Variants in RNF25 observed in about 807,000 individuals in gnomAD.
RNF25 encodes ring finger protein 25.
Under a neutral mutation model 65.0 loss-of-function variants are expected in RNF25, and 32 were observed. The ratio of observed to expected loss-of-function variants is 0.49; its 90% CI spans 0.37 to 0.66. The LOEUF is 0.66. RNF25 is among the 30% of genes least tolerant of loss of function. The pLI is 0.00. For missense variants in RNF25, 493 were observed against 584.8 expected (o/e 0.84, Z 1.62); for synonymous variants, 207 against 221.2 (o/e 0.94, Z 0.57).
intron 8 of RNF25, 141 bp from the exon 9 acceptor site, chr2:218,665,014 T>A: frequency 3.5e-6 from 5 of 1,440,778 alleles, no homozygotes; most frequent in Non-Finnish European, 4.8e-6. Context: ...CTCCCGCCAG[T>A]GGGGGATGTG....
chr2:218,671,920 C>T lies in RNF25; in HGVS notation c.41+10G>A. 6.2e-7 allele frequency: 1 copy of T among 1,614,220 alleles called. No individual in the cohort carries two copies. The highest frequency in any genetic ancestry group is 1.6e-4 in the Middle Eastern group (1 of 6,062). The stretch of plus-strand genomic sequence containing the variant: ...AGGCTGTCAGCCAAAGCCCATGCCC[C>T]CAAAGTTACCAGTCCTCCTCCCCTG... On this transcript the variant is annotated intron_variant, in intron 1 of 9. Transcript: ENST00000295704.
At chr2:218,671,482 G>C (rs762195137) in intron 1 of RNF25, among the ~76,000 whole-genome samples, 31 of 152,280 alleles carry the variant, frequency 2.0e-4, no homozygotes, top group Middle Eastern at 3.4e-3. Context: ...GTCCTCACTA[G>C]TGCTGTGTGA....
At chr2:218,668,913 G>A (rs1423067158) in intron 1 of RNF25, among the ~76,000 whole-genome samples, 1 of 152,224 alleles carries the variant, frequency 6.6e-6, no homozygotes, top group Non-Finnish European at 1.5e-5. Flanking sequence ...GTGGATTCTA[G>A]AGAAGTAAAA....
At position 218,664,843 on chromosome 2, in the gene RNF25, G is replaced by A. The variant is rs200164624; in HGVS notation, c.697C>T (p.Arg233Cys). 2.0e-5 allele frequency: 33 copies of A among 1,614,110 alleles called. No homozygotes were observed. The East Asian group carries it at 2.2e-4, about 11-fold the overall frequency. ...ELYQPSAESL[R>C]QQEERKRLYQ... Reference sequence around the variant, plus strand: ...AGCCGCTTGCGTTCTTCTTGCTGGCGCAAGCTCTCTGCACTGGGCTGGTAC... The same window carrying A: ...AGCCGCTTGCGTTCTTCTTGCTGGCACAAGCTCTCTGCACTGGGCTGGTAC... The change falls in exon 9 of 10, where the codon CGC becomes TGC. Residue 233 changes from arginine to cysteine, a missense_variant. Arg to Cys is a radical substitution (Grantham distance 180). Around this residue, in one of 3 missense-constraint regions of RNF25, gnomAD observed 351 missense variants for 400.2 expected, o/e 0.88. Transcript: ENST00000295704. This position sits in a 1 kb window ranked among gnomAD's most constrained non-coding sequence, Gnocchi z 5.1.
At chr2:218,665,360 G>A (rs941127126) in intron 7 of RNF25, 113 bp from the exon 8 acceptor site, 32 of 857,396 alleles carry the variant, frequency 3.7e-5, no homozygotes, top group Non-Finnish European at 5.1e-5. Context: ...CAGGGACACC[G>A]GTTCAGCAGT....
Position 218,668,622 on chromosome 2 carries a change from C to G in RNF25, c.99G>C (p.Val33=). 3 of 1,611,454 alleles carry G rather than the reference C, an allele frequency of 1.9e-6. No individual in the cohort carries two copies. Among genetic ancestry groups the G allele is most frequent in the Non-Finnish European group, 2.5e-6 (3 of 1,177,654 alleles). The change falls in exon 2 of 10, where the codon GTG becomes GTC. Residue 33 remains valine, a synonymous_variant. Transcript: ENST00000295704. ...ATACATACCTGCCATTTCCTTTAAT[C>G]ACCTGTAGTTCATCTAGATAGATGG... ...LESIYLDELQ[V]IKGNGRTSPW...
At chr2:218,665,290 T>G (rs376522618) in intron 7 of RNF25, 43 bp from the exon 8 acceptor site, 1 of 1,561,256 alleles carries the variant, frequency 6.4e-7, no homozygotes, top group African/African-American at 1.4e-5. Flanking sequence ...CAGCCCAGGA[T>G]GCCCCCTGGT....
intron 7 of RNF25, 144 bp from the exon 8 acceptor site, chr2:218,665,391 T>G: frequency 1.5e-6 from 1 of 678,024 alleles, no homozygotes; most frequent in Non-Finnish European, 2.5e-6. Context: ...AGAGCACGGG[T>G]TGTCTAACTA....
chr2:218,668,299 A>T lies in RNF25; in HGVS notation c.159T>A (p.Thr53=). The T allele has an allele frequency of 6.4e-7, 1 of 1,568,758 alleles. No homozygotes were observed. Among genetic ancestry groups the T allele is most frequent in the Non-Finnish European group, 8.7e-7 (1 of 1,151,632 alleles). Residue 53 remains threonine (T), a synonymous_variant, in exon 3 of 10, where the codon ACT becomes ACA. Transcript: ENST00000295704. The part of the protein sequence containing the change: ...WEIYITLHPA[T]AEDQDSQYVC... ...CATACTGTGAATCCTGGTCCTCTGC[A>T]GTGGCAGGATGCAAAGTGATGTAGA...
In RNF25 at chr2:218,664,416, A is replaced by G. The variant is rs1448310017; in HGVS notation, c.921T>C (p.Pro307=). The G allele has an allele frequency of 6.2e-7, 1 of 1,614,158 alleles. No homozygotes were observed. The highest frequency in any genetic ancestry group is 8.5e-7 in the Non-Finnish European group (1 of 1,180,034). Residue 307 remains proline, a synonymous_variant, in exon 10 of 10, where the codon CCT becomes CCC. Transcript: ENST00000295704. The surrounding 1 kb of genome is among the most constrained non-coding windows in gnomAD (Gnocchi z 5.1). ...SPAVQSTLPP[P]LPVATQHICE... The stretch of plus-strand genomic sequence containing the variant: ...ATATGTGCTGGGTCGCCACAGGCAG[A>G]GGAGGTGGCAAAGTGGATTGGACGG...
At chr2:218,668,468 TA>T in intron 2 of RNF25, 127 bp from the exon 3 acceptor site, 1 of 979,528 alleles carries the variant, frequency 1.0e-6, no homozygotes, top group South Asian at 1.4e-5. Context: ...GGGGTAGGAT[TA>T]AAGGAATAGC....
chr2:218,665,838 G>A (rs767413546), intron 7 of RNF25, 78 bp downstream of exon 7: 8 of 1,543,590 alleles, frequency 5.2e-6, no homozygotes, highest in South Asian at 1.3e-5. Flanking sequence ...AAGAGCCACT[G>A]GAGTGGAGAG....
intron 7 of RNF25, 127 bp downstream of exon 7, chr2:218,665,789 T>G: frequency 8.0e-7 from 1 of 1,243,282 alleles, no homozygotes; most frequent in Non-Finnish European, 1.1e-6. Flanking sequence ...GAGGTAAGAG[T>G]TCATTAATCT....
Position 218,664,097 on chromosome 2 carries a change from T to G in RNF25, c.1240A>C (p.Thr414Pro). The G allele has an allele frequency of 1.3e-6, 2 of 1,522,374 alleles. No homozygotes were observed. The highest frequency in any genetic ancestry group is 1.8e-6 in the Non-Finnish European group (2 of 1,137,754). 94.3% of individuals were successfully genotyped at this position (1,522,374 alleles called of 1,614,324 possible). The change falls in exon 10 of 10, where the codon ACT becomes CCT. Residue 414 changes from threonine (T) to proline (P), a missense_variant. Transcript: ENST00000295704. The surrounding 1 kb of genome is among the most constrained non-coding windows in gnomAD (Gnocchi z 5.1). ...CGCTCCCAGCGAACACAGTCCCGAG[T>G]CCTGCGGGGTGGGGGCCCCTGCCAG... ...GSWQGPPPRRTRDCVRWERSK... is the reference protein window; with the variant it reads ...GSWQGPPPRRPRDCVRWERSK...
chr2:218,665,915 C>A lies in RNF25; in HGVS notation c.573+1G>T. 2 of 1,612,660 alleles carry A rather than the reference C, an allele frequency of 1.2e-6. No individual in the cohort carries two copies. The highest frequency in any genetic ancestry group is 1.7e-6 in the Non-Finnish European group (2 of 1,179,212). The stretch of plus-strand genomic sequence containing the variant: ...GAGTGTGCAGGTGCAGTGAGGTCTA[C>A]CTGTTTGGTTGTAGCATGCTGCCGT... On this transcript the variant is annotated splice_donor_variant, in intron 7 of 9. Transcript: ENST00000295704. LOFTEE classifies it high-confidence loss of function.
intron 7 of RNF25, 65 bp downstream of exon 7, chr2:218,665,851 G>A (rs2106335987): frequency 1.9e-6 from 3 of 1,556,626 alleles, no homozygotes; most frequent in Non-Finnish European, 2.6e-6. Flanking sequence ...GTGGAGAGAT[G>A]GAAAAGTTTG....
chr2:218,664,322 G>T lies in RNF25; in HGVS notation c.1015C>A (p.Pro339Thr), dbSNP rs750819816. Residue 339 changes from proline to threonine, a missense_variant, in exon 10 of 10, where the codon CCC (proline) becomes ACC (threonine). Pro to Thr is a conservative substitution (Grantham distance 38, BLOSUM62 -1). Around this residue, in one of 3 missense-constraint regions of RNF25, gnomAD observed 351 missense variants for 400.2 expected, o/e 0.88. Coordinates refer to ENST00000295704, the MANE Select transcript of RNF25 (RefSeq NM_022453.3). The surrounding 1 kb of genome is among the most constrained non-coding windows in gnomAD (Gnocchi z 5.1). ...LGETQKAMLD[P>T]PKPSRGPWRQ... is the part of the protein sequence containing the mutation. ...CAGGGACCTCGACTGGGCTTGGGGG[G>T]ATCTAGCATAGCTTTCTGGGTTTCG... The T allele has an allele frequency of 1.2e-6, 2 of 1,614,150 alleles. No homozygotes were observed. The highest frequency in any genetic ancestry group is 1.7e-6 in the Non-Finnish European group (2 of 1,179,992).
chr2:218,668,283 A>T lies in RNF25; in HGVS notation c.175T>A (p.Ser59Thr), dbSNP rs763043896. 3 of 1,614,102 alleles carry T rather than the reference A, an allele frequency of 1.9e-6. No homozygotes were observed. The highest frequency in any genetic ancestry group is 1.7e-6 in the Non-Finnish European group (2 of 1,180,004). ...LHPATAEDQD[S>T]QYVCFTLVLQ... The stretch of plus-strand genomic sequence containing the variant: ...ACCAGAGTGAAGCAGACATACTGTG[A>T]ATCCTGGTCCTCTGCAGTGGCAGGA... The change falls in exon 3 of 10, where the codon TCA (serine) becomes ACA (threonine). Residue 59 changes from serine to threonine, a missense_variant. By Grantham distance (58) the Ser-to-Thr change is moderately conservative. Transcript: ENST00000295704.
chr2:218,668,367 A>G (rs1395577724), intron 2 of RNF25, 26 bp from the exon 3 acceptor site: 3 of 1,075,482 alleles, frequency 2.8e-6, no homozygotes, highest in Non-Finnish European at 4.0e-6. Context: ...GTGGACACGC[A>G]GATGTGACTG....
Sources: allele counts gnomAD v4.1 joint callset (sites outside exome capture counted in the v4.1 genomes callset), GRCh38; gene constraint gnomAD v4.1.1; regional missense constraint gnomAD v4.1.1; non-coding constraint Gnocchi (gnomAD v3.1); transcripts MANE v1.5; gene names NCBI Gene and HGNC (gene_info 2026-07-23, HGNC 2026-07-21).